Variants in NF1 observed in about 807,000 individuals in gnomAD.
NF1 encodes neurofibromin 1.
A neutral mutation model predicts 325.7 loss-of-function variants in NF1; 122 were observed. The ratio of observed to expected loss-of-function variants is 0.37; its 90% CI spans 0.32 to 0.44. The LOEUF (loss-of-function observed/expected upper bound fraction) is 0.44. Ranked by LOEUF, NF1 falls within the 20% of genes least tolerant of loss-of-function variation. The pLI, the probability that NF1 is intolerant of heterozygous loss-of-function variation, is 1.00. For missense variants in NF1, 2,140 were observed against 3,415.4 expected, an observed-to-expected ratio of 0.63 and a Z score of 9.31; for synonymous variants, 1,091 against 1,186.0, an observed-to-expected ratio of 0.92 and a Z score of 1.65.
At chr17:31,175,495 G>A (rs1050531263) in intron 5 of NF1, among the ~76,000 whole-genome samples, 3 of 152,058 alleles carry the variant, frequency 2.0e-5, no homozygotes, top group African/African-American at 7.2e-5. Flanking sequence ...GATTATAGGC[G>A]TGAGCCATCG....
intron 1 of NF1, among the ~76,000 whole-genome samples, chr17:31,131,574 C>T (rs1374218368): frequency 1.3e-5 from 2 of 152,194 alleles, no homozygotes; most frequent in African/African-American, 2.4e-5. Context: ...CTACTGGCTG[C>T]AGCTAGTTGG....
chr17:31,223,014 C>T (rs2066953458), intron 15 of NF1, among the ~76,000 whole-genome samples: 1 of 152,180 alleles, frequency 6.6e-6, no homozygotes, highest in African/African-American at 2.4e-5. Flanking sequence ...AATGAACGGG[C>T]ATGGCTGTGT....
At chr17:31,342,233 G>A (rs145158849) in intron 47 of NF1, among the ~76,000 whole-genome samples, 75 of 152,170 alleles carry the variant, frequency 4.9e-4, no homozygotes, top group African/African-American at 1.8e-3. Context: ...TCTCATTGCC[G>A]TTTTTCTAAA....
intron 36 of NF1, chr17:31,308,002 C>G (rs994911289): frequency 1.9e-6 from 2 of 1,033,480 alleles, no homozygotes; most frequent in East Asian, 1.2e-4. Context: ...TTTCCCTATA[C>G]GAATAATTCA....
At chr17:31,295,819 G>A (rs372461673) in intron 36 of NF1, 5 of 1,614,154 alleles carry the variant, frequency 3.1e-6, no homozygotes, top group Non-Finnish European at 3.4e-6. Flanking sequence ...ACAGGTCCAC[G>A]ATATGTAGTT....
chr17:31,220,306 A>G (rs1044492119), intron 14 of NF1, among the ~76,000 whole-genome samples: 3 of 152,190 alleles, frequency 2.0e-5, no homozygotes, highest in Non-Finnish European at 2.9e-5. Flanking sequence ...AGCACTTACT[A>G]CGTAATCATT....
At chr17:31,271,783 C>T (rs1283425313) in intron 36 of NF1, among the ~76,000 whole-genome samples, 3 of 151,392 alleles carry the variant, frequency 2.0e-5, no homozygotes. Context: ...AAAACAACTT[C>T]CCCCATACCA....
intron 8 of NF1, among the ~76,000 whole-genome samples, chr17:31,195,058 T>C (rs2066410097): frequency 6.6e-6 from 1 of 152,148 alleles, no homozygotes. Flanking sequence ...AATTATCTGA[T>C]TAGATAGAAA....
chr17:31,235,189 C>T (rs2067179004), intron 27 of NF1, among the ~76,000 whole-genome samples: 2 of 152,068 alleles, frequency 1.3e-5, no homozygotes, highest in African/African-American at 4.8e-5. Context: ...GCTGAGTTCC[C>T]CGACTGTATG....
intron 1 of NF1, chr17:31,133,833 T>C (rs902132430): frequency 6.6e-6 from 1 of 152,036 alleles, no homozygotes; most frequent in Non-Finnish European, 1.5e-5. Flanking sequence ...ATTTTTGTAT[T>C]TTTAGTAGAG....
chr17:31,373,032 C>A (rs986109646), intron 57 of NF1, among the ~76,000 whole-genome samples: 1 of 152,156 alleles, frequency 6.6e-6, no homozygotes, highest in African/African-American at 2.4e-5. Flanking sequence ...AATAATCAAT[C>A]ATTGTTAGGC....
intron 2 of NF1, among the ~76,000 whole-genome samples, chr17:31,156,535 C>T (rs2065665877): frequency 6.6e-6 from 1 of 152,084 alleles, no homozygotes; most frequent in Non-Finnish European, 1.5e-5. Context: ...GTTGTCCCAG[C>T]CCTAAGTAGA....
intron 8 of NF1, among the ~76,000 whole-genome samples, chr17:31,190,090 A>AG: frequency 3.3e-5 from 1 of 30,584 alleles, no homozygotes; most frequent in South Asian, 1.6e-3. Context: ...AATGTATTAC[A>AG]AAAAAAAAAA....
rs864622318 is a variant in NF1, at chr17:31,357,096, G to T, written c.7869+6G>T. The stretch of plus-strand genomic sequence containing the variant: ...CGCTGCTTCTTACTGTTCTAGTAAG[G>T]ATTTCCCCTTTTTGAGTCCCCCACC... On this transcript the variant is annotated splice_donor_region_variant and intron_variant, in intron 53 of 57. Coordinates refer to ENST00000358273, the MANE Select transcript of NF1 (RefSeq NM_001042492.3). 3.1e-6 allele frequency: 5 copies of T among 1,613,094 alleles called. No homozygotes were observed. The highest frequency in any genetic ancestry group is 4.2e-6 in the Non-Finnish European group (5 of 1,179,936).
intron 8 of NF1, among the ~76,000 whole-genome samples, chr17:31,187,355 C>T (rs1286428857): frequency 2.0e-5 from 3 of 152,132 alleles, no homozygotes; most frequent in East Asian, 1.9e-4. Flanking sequence ...TGCGCCACCA[C>T]GCCCAGCTAA....
At position 31,116,793 on chromosome 17, in the gene NF1, G is replaced by A. The variant is rs960215034; in HGVS notation, c.60+21424G>A. On this transcript the variant is annotated intron_variant, in intron 1 of 57. Transcript: ENST00000358273. ...CACCATTCTCCTGCCTCAGCCTCCC[G>A]AGTAGCTGGGACTACAGGTGCCCGC... Among the ~76,000 whole-genome samples the A allele has an allele frequency of 4.0e-5, 6 of 149,788 alleles. No individual in the cohort carries two copies. The South Asian group carries it at 8.5e-4, about 21-fold the overall frequency.
At chr17:31,264,125 G>A (rs946966526) in intron 35 of NF1, among the ~76,000 whole-genome samples, 2 of 152,170 alleles carry the variant, frequency 1.3e-5, no homozygotes, top group African/African-American at 2.4e-5. Context: ...TAGGCCGAGT[G>A]CGGTGACTCA....
rs1268872486 is a variant in NF1 at position 31,325,838 on chromosome 17, C to T, written c.4854C>T (p.Ile1618=). 6.2e-7 allele frequency: 1 copy of T among 1,614,084 alleles called. No homozygotes were observed. Among genetic ancestry groups the T allele is most frequent in the Admixed American group, 1.7e-5 (1 of 60,026 alleles). Residue 1618 remains isoleucine (I), a synonymous_variant, in exon 37 of 58, where the codon ATC becomes ATT. Transcript: ENST00000358273. ...YVARRFKTGQ[I]NGDLLIYHVL... ...TCCTTAGGTTCAAAACTGGTCAAAT[C>T]AATGGTGATTTGCTGATATACCATG...
chr17:31,198,376 G>A (rs2066469715), intron 8 of NF1, among the ~76,000 whole-genome samples: 1 of 152,156 alleles, frequency 6.6e-6, no homozygotes, highest in Admixed American at 6.5e-5. Context: ...ACCAGTGAAA[G>A]CTATCTGGTC....
Sources: gnomAD v4.1 joint callset for allele counts (sites outside exome capture counted in the v4.1 genomes callset) on GRCh38, gnomAD v4.1.1 for gene constraint, MANE v1.5 for transcripts, NCBI Gene and HGNC (gene_info 2026-07-23, HGNC 2026-07-21) for gene names.